The following KIAA1958 variants were observed in gnomAD, a reference collection of about 807,000 sequenced individuals.
The protein encoded by KIAA1958 is uncharacterized protein KIAA1958.
A neutral mutation model predicts 47.2 loss-of-function variants in KIAA1958; 14 were observed. That is an observed-to-expected ratio of 0.30 (90% CI 0.20 to 0.46). KIAA1958 has a LOEUF of 0.46. Among genes scored for constraint, KIAA1958 ranks in the 20% least tolerant of loss-of-function variants. The pLI is 1.00. For missense variants in KIAA1958, 803 were observed against 909.2 expected (o/e 0.88, Z 1.50); for synonymous variants, 354 against 353.3 (o/e 1.00, Z -0.02).
chr9:112,521,077 T>A (rs1834533041), intron 1 of KIAA1958, among the ~76,000 whole-genome samples: 1 of 152,174 alleles, frequency 6.6e-6, no homozygotes, highest in South Asian at 2.1e-4. Context: ...TTAAACAATA[T>A]TTTTCAATTA....
chr9:112,565,293 G>T (rs774360080), intron 1 of KIAA1958, among the ~76,000 whole-genome samples: 2 of 152,142 alleles, frequency 1.3e-5, no homozygotes, highest in East Asian at 1.9e-4. Flanking sequence ...TTGTAGAAAC[G>T]GGGTGTTACC....
intron 1 of KIAA1958, among the ~76,000 whole-genome samples, chr9:112,561,530 A>G (rs1477001704): frequency 6.6e-6 from 1 of 152,148 alleles, no homozygotes; most frequent in Non-Finnish European, 1.5e-5. Context: ...TTGAATAGAA[A>G]TGCTACTGAA....
chr9:112,599,521 G>A (rs1265716385), intron 2 of KIAA1958, among the ~76,000 whole-genome samples: 1 of 152,068 alleles, frequency 6.6e-6, no homozygotes. Context: ...GAAAACAATG[G>A]AACAACATGT....
chr9:112,525,294 G>A (rs1470598630), intron 1 of KIAA1958, among the ~76,000 whole-genome samples: 1 of 152,168 alleles, frequency 6.6e-6, no homozygotes, highest in East Asian at 1.9e-4. Flanking sequence ...TGCTGGCTCT[G>A]AGTTGACATT....
Position 112,659,948 on chromosome 9 carries a change from C to G in KIAA1958, c.2030C>G (p.Ser677Cys), listed in dbSNP as rs745588807. The G allele has an allele frequency of 2.4e-5, 38 of 1,614,126 alleles. No homozygotes were observed. In the East Asian group the frequency reaches 4.9e-4, roughly 21 times the overall value. ...WYEEQRMGLR[S>C]LRGIVPNLAK... ...GAGGAGCAGAGGATGGGGCTGCGCT[C>G]TCTTCGGGGAATTGTCCCAAACTTA... is the stretch of plus-strand genomic sequence containing the variant. The change falls in exon 4 of 4, where the codon TCT becomes TGT. Residue 677 changes from serine to cysteine, a missense_variant. Transcript: ENST00000337530.
At position 112,662,604 on chromosome 9, in the gene KIAA1958, C is replaced by T. The variant is rs1422371126; in HGVS notation, c.*2535C>T. On this transcript the variant is annotated 3_prime_UTR_variant, in exon 4 of 4. Transcript: ENST00000337530. Reference sequence around the variant, plus strand: ...GAGGTCAGGAGTTCAAGATCAGGACCAACATGGTGAAACCCCATCTCTACT... The same window carrying T: ...GAGGTCAGGAGTTCAAGATCAGGACTAACATGGTGAAACCCCATCTCTACT... The T allele has an allele frequency of 6.6e-6, 1 of 152,256 alleles. No homozygotes were observed. Among genetic ancestry groups the T allele is most frequent in the Non-Finnish European group, 1.5e-5 (1 of 68,142 alleles). The allele number at this position is 152,256 out of a possible 1,614,324, so 9.4% of individuals were successfully genotyped here. A position where few individuals can be genotyped will look rare whatever the true frequency, so the allele number is the denominator to read the frequency against.
chr9:112,541,573 G>A (rs1834944465), intron 1 of KIAA1958, among the ~76,000 whole-genome samples: 1 of 152,142 alleles, frequency 6.6e-6, no homozygotes, highest in Non-Finnish European at 1.5e-5. Flanking sequence ...GGAGGCTGAG[G>A]TGGGCAGATC....
At chr9:112,507,766 C>T (rs1834255828) in intron 1 of KIAA1958, among the ~76,000 whole-genome samples, 1 of 151,980 alleles carries the variant, frequency 6.6e-6, no homozygotes, top group Non-Finnish European at 1.5e-5. Context: ...CTTTCTCTCT[C>T]TCTCTTTCTT....
At chr9:112,550,420 G>C (rs1835121437) in intron 1 of KIAA1958, among the ~76,000 whole-genome samples, 1 of 152,164 alleles carries the variant, frequency 6.6e-6, no homozygotes, top group African/African-American at 2.4e-5. Flanking sequence ...GAACCCACTT[G>C]AAGTAGGGAT....
intron 1 of KIAA1958, among the ~76,000 whole-genome samples, chr9:112,569,700 A>G (rs1835500285): frequency 6.6e-6 from 1 of 151,680 alleles, no homozygotes; most frequent in African/African-American, 2.4e-5. Context: ...AGCTCACTGC[A>G]ACCTCCGCCT....
At chr9:112,637,091 C>T (rs897572315) in intron 2 of KIAA1958, among the ~76,000 whole-genome samples, 1 of 152,098 alleles carries the variant, frequency 6.6e-6, no homozygotes, top group East Asian at 1.9e-4. Flanking sequence ...TTGGACAATG[C>T]AAGAACTTTT....
At chr9:112,621,182 A>G (rs2131219644) in intron 2 of KIAA1958, among the ~76,000 whole-genome samples, 1 of 152,258 alleles carries the variant, frequency 6.6e-6, no homozygotes, top group Admixed American at 6.5e-5. Context: ...ATGCTGAGTA[A>G]TCTTCCATGG....
intron 2 of KIAA1958, among the ~76,000 whole-genome samples, chr9:112,598,780 C>T (rs1480691798): frequency 6.6e-6 from 1 of 152,054 alleles, no homozygotes; most frequent in East Asian, 1.9e-4. Context: ...TTAAAGAGTA[C>T]TATTTTTAGG....
At chr9:112,518,383 TAA>T (rs1455761566) in intron 1 of KIAA1958, among the ~76,000 whole-genome samples, 2 of 152,116 alleles carry the variant, frequency 1.3e-5, no homozygotes, top group African/African-American at 4.8e-5. Context: ...CTCTCAGCAA[TAA>T]AAAGAATGAA....
chr9:112,560,440 T>C (rs1227705800), intron 1 of KIAA1958, among the ~76,000 whole-genome samples: 1 of 152,054 alleles, frequency 6.6e-6, no homozygotes, highest in Non-Finnish European at 1.5e-5. Flanking sequence ...TCCTACAGCA[T>C]TGGCCTCCCA....
At chr9:112,639,569 G>A (rs572084719) in intron 2 of KIAA1958, among the ~76,000 whole-genome samples, 1 of 152,238 alleles carries the variant, frequency 6.6e-6, no homozygotes, top group South Asian at 2.1e-4. Flanking sequence ...GCCTCCCCCT[G>A]CTGCATGGAT....
intron 3 of KIAA1958, among the ~76,000 whole-genome samples, chr9:112,658,445 T>G (rs1054631649): frequency 2.0e-5 from 3 of 152,202 alleles, no homozygotes; most frequent in Admixed American, 1.3e-4. Context: ...GCAAATGATT[T>G]GCAAACAAAG....
chr9:112,664,796 C>A lies in KIAA1958; in HGVS notation c.*4727C>A, dbSNP rs1012958584. The A allele has an allele frequency of 6.6e-6, 1 of 152,116 alleles. No individual in the cohort carries two copies. The highest frequency in any genetic ancestry group is 6.6e-5 in the Admixed American group (1 of 15,260). 9.4% of individuals were successfully genotyped at this position (152,116 alleles called of 1,614,324 possible). A position where few individuals can be genotyped will look rare whatever the true frequency, so the allele number is the denominator to read the frequency against. Reference sequence around the variant, plus strand: ...CCTCCCTTTCTAAGAGAAGAGGAGGCCATGGGGTATGATAACTAAATGAAC... The same window carrying A: ...CCTCCCTTTCTAAGAGAAGAGGAGGACATGGGGTATGATAACTAAATGAAC... On this transcript the variant is annotated 3_prime_UTR_variant, in exon 4 of 4. Transcript: ENST00000337530.
At chr9:112,583,743 A>G (rs1418013243) in intron 2 of KIAA1958, among the ~76,000 whole-genome samples, 6 of 152,214 alleles carry the variant, frequency 3.9e-5, no homozygotes, top group African/African-American at 1.2e-4. Context: ...GAACATTACG[A>G]TGTAGTGTGT....
Sources: allele counts gnomAD v4.1 joint callset (sites outside exome capture counted in the v4.1 genomes callset), GRCh38; gene constraint gnomAD v4.1.1; transcripts MANE v1.5; gene names NCBI Gene and HGNC (gene_info 2026-07-23, HGNC 2026-07-21).